PPARGC1A: variants seen among roughly 807,000 people sequenced by gnomAD.
PPARGC1A encodes the protein PPARG coactivator 1 alpha.
PPARGC1A carries 25 observed loss-of-function variants against 88.7 expected under a neutral mutation model. That is an observed-to-expected ratio of 0.28 (90% CI 0.21 to 0.39). The LOEUF is 0.39. PPARGC1A is among the 10% of genes least tolerant of loss of function. The pLI is 1.00. For missense variants in PPARGC1A, 880 were observed against 968.7 expected (o/e 0.91, Z 1.22); for synonymous variants, 363 against 355.6 (o/e 1.02, Z -0.24).
the PPARGC1A span, among the ~76,000 whole-genome samples, chr4:24,155,265 A>G: frequency 1.3e-5 from 2 of 152,120 alleles, no homozygotes; most frequent in East Asian, 3.9e-4. Context: ...CATTTGAGAA[A>G]CAAATCAATC....
At chr4:24,272,506 C>T in the PPARGC1A span, among the ~76,000 whole-genome samples, 1 of 152,132 alleles carries the variant, frequency 6.6e-6, no homozygotes, top group African/African-American at 2.4e-5. Context: ...AATACACTTC[C>T]CCCACAACAA....
chr4:24,378,707 A>AT, the PPARGC1A span, among the ~76,000 whole-genome samples: 1 of 152,178 alleles, frequency 6.6e-6, no homozygotes, highest in Non-Finnish European at 1.5e-5. Flanking sequence ...TTATGAAGTG[A>AT]TTTTGCCCTT....
the PPARGC1A span, among the ~76,000 whole-genome samples, chr4:24,421,313 CTT>C: frequency 1.2e-3 from 163 of 137,514 alleles, no homozygotes; most frequent in African/African-American, 1.0e-3. Context: ...GAACAGTTCA[CTT>C]TTTTTTTTTT....
chr4:24,364,644 G>A, the PPARGC1A span, among the ~76,000 whole-genome samples: 1 of 152,088 alleles, frequency 6.6e-6, no homozygotes, highest in Non-Finnish European at 1.5e-5. Flanking sequence ...AGGAAACTGA[G>A]CTTTCCTGAG....
the PPARGC1A span, among the ~76,000 whole-genome samples, chr4:24,366,165 G>T: frequency 3.1e-3 from 475 of 152,240 alleles, 6 homozygotes; most frequent in African/African-American, 0.011. Flanking sequence ...AATATGATTC[G>T]TTGGCACTTA....
chr4:24,242,059 TTAA>T, the PPARGC1A span, among the ~76,000 whole-genome samples: 19 of 152,318 alleles, frequency 1.2e-4, 1 homozygote, highest in African/African-American at 4.6e-4. Flanking sequence ...TCTCTCCTGC[TTAA>T]TAACTCCAGC....
At chr4:24,233,583 C>CAT in the PPARGC1A span, among the ~76,000 whole-genome samples, 2 of 58,548 alleles carry the variant, frequency 3.4e-5, no homozygotes, top group African/African-American at 1.2e-4. Context: ...CACACAAACA[C>CAT]ATACACACAC....
At chr4:23,936,643 G>T in the PPARGC1A span, among the ~76,000 whole-genome samples, 1 of 152,072 alleles carries the variant, frequency 6.6e-6, no homozygotes, top group Admixed American at 6.6e-5. Flanking sequence ...AGGCCGAGGC[G>T]GGTGGATCAC....
chr4:23,880,541 C>T (rs1231944486), intron 2 of PPARGC1A, among the ~76,000 whole-genome samples: 1 of 152,274 alleles, frequency 6.6e-6, no homozygotes, highest in East Asian at 1.9e-4. Context: ...TTATTTTTAA[C>T]TTTTTGATAG....
At chr4:24,075,382 A>G in the PPARGC1A span, among the ~76,000 whole-genome samples, 2 of 152,324 alleles carry the variant, frequency 1.3e-5, no homozygotes, top group South Asian at 4.1e-4. Context: ...ACCATCACCC[A>G]TGAAAGTTTC....
the PPARGC1A span, among the ~76,000 whole-genome samples, chr4:24,225,639 T>C: frequency 6.6e-6 from 1 of 151,794 alleles, no homozygotes; most frequent in Non-Finnish European, 1.5e-5. Flanking sequence ...ACAAATGGAT[T>C]GCCTATGGTA....
the PPARGC1A span, among the ~76,000 whole-genome samples, chr4:24,325,697 G>C: frequency 6.6e-6 from 1 of 152,224 alleles, no homozygotes; most frequent in South Asian, 2.1e-4. Flanking sequence ...CGATCGCCTC[G>C]GAAGCCCCGT....
At chr4:23,898,998 G>A (rs891719976) in intron 1 of PPARGC1A, among the ~76,000 whole-genome samples, 2 of 151,940 alleles carry the variant, frequency 1.3e-5, no homozygotes, top group African/African-American at 4.8e-5. Flanking sequence ...ACGACGCCCG[G>A]CTAATTTTTT....
At chr4:24,308,293 G>A in the PPARGC1A span, among the ~76,000 whole-genome samples, 3 of 72,932 alleles carry the variant, frequency 4.1e-5, no homozygotes, top group Non-Finnish European at 5.4e-5. Context: ...CTCTGCCACC[G>A]AAAAAAAAAA....
chr4:24,041,924 G>C, the PPARGC1A span, among the ~76,000 whole-genome samples: 1 of 150,608 alleles, frequency 6.6e-6, no homozygotes, highest in African/African-American at 2.4e-5. Context: ...AAAAAAAAAA[G>C]AAAGAAAAGA....
chr4:24,023,285 G>A, the PPARGC1A span, among the ~76,000 whole-genome samples: 5 of 152,100 alleles, frequency 3.3e-5, no homozygotes, highest in Non-Finnish European at 7.4e-5. Context: ...TTGTCAGGAA[G>A]TTACAGGAAA....
chr4:23,991,275 A>G, the PPARGC1A span, among the ~76,000 whole-genome samples: 2 of 152,140 alleles, frequency 1.3e-5, no homozygotes, highest in African/African-American at 4.8e-5. Flanking sequence ...CTATGAAATG[A>G]GGAATAATGT....
the PPARGC1A span, among the ~76,000 whole-genome samples, chr4:24,446,240 T>C: frequency 6.6e-6 from 1 of 152,150 alleles, no homozygotes; most frequent in Non-Finnish European, 1.5e-5. Context: ...CTGTCTGTTA[T>C]ATTTTGTTTT....
In PPARGC1A at chr4:23,792,668, G is replaced by GTACT. The variant is rs373791601; in HGVS notation, c.*3150_*3153dup. The GTACT allele has an allele frequency of 9.0e-4, 137 of 152,520 alleles. 2 individuals are homozygous for GTACT. The highest frequency in any genetic ancestry group is 3.0e-3 in the African/African-American group (126 of 41,500). 9.4% of individuals were successfully genotyped at this position (152,520 alleles called of 1,614,324 possible). On this transcript the variant is annotated 3_prime_UTR_variant, in exon 13 of 13. Coordinates refer to ENST00000264867, the MANE Select transcript of PPARGC1A (RefSeq NM_013261.5). ...TTCGGTTACCAAAATTGTAGATGTGGTACTTACCACGGCATGAAGGCAATG... is the reference window on the plus strand; with the variant it reads ...TTCGGTTACCAAAATTGTAGATGTGGTACTTACTTACCACGGCATGAAGGCAATG...
Sources: allele counts gnomAD v4.1 joint callset (sites outside exome capture counted in the v4.1 genomes callset), GRCh38; gene constraint gnomAD v4.1.1; transcripts MANE v1.5; gene names NCBI Gene and HGNC (gene_info 2026-07-23, HGNC 2026-07-21).